Variants in RP1L1 observed in about 807,000 individuals in gnomAD.
RP1L1 encodes the protein RP1 like 1, also known as retinitis pigmentosa 1-like 1 protein.
Under a neutral mutation model 15.7 loss-of-function variants are expected in RP1L1, and 27 were observed. That is an observed-to-expected ratio of 1.72 (90% CI 1.27 to 2.38). The LOEUF is 2.38. RP1L1 is among the 30% of genes most tolerant of loss of function. RP1L1 has a pLI of 0.00. For missense variants in RP1L1, 4,798 were observed against 3,075.9 expected (o/e 1.56, Z -13.24); for synonymous variants, 1,813 against 1,276.7 (o/e 1.42, Z -8.96).
chr8:10,608,393 T>A lies in RP1L1; in HGVS notation c.5705A>T (p.Glu1902Val). The A allele has an allele frequency of 6.2e-7, 1 of 1,612,142 alleles. No homozygotes were observed. The highest frequency in any genetic ancestry group is 1.3e-5 in the African/African-American group (1 of 74,232). ...CTCCGGGGCTTCTGCACCTTCTGAC[T>A]CTGGCTGGACCTCCCATTCTGCCTC... ...TPEAEWEVQP[E>V]SEGAEAPEAE... is the part of the protein sequence containing the mutation. The change falls in exon 4 of 4, where the codon GAG (glutamate) becomes GTG (valine). Residue 1902 changes from glutamate (E) to valine (V), a missense_variant. Transcript: ENST00000382483.
At chr8:10,648,965 C>G (rs1798519741) in intron 1 of RP1L1, among the ~76,000 whole-genome samples, 1 of 152,218 alleles carries the variant, frequency 6.6e-6, no homozygotes, top group Non-Finnish European at 1.5e-5. Context: ...ATCCACTGCC[C>G]AGGCAGGAGG....
rs757419306 is a variant in RP1L1, at chr8:10,622,757, T to C, written c.445A>G (p.Lys149Glu). ...PGTSSSRKSL[K>E]TPRRILLIKN... ...ATCAGCAGTATCCTCCGGGGGGTTT[T>C]AAGACTCTTCCGGGAGGAGGAGGTG... The change falls in exon 2 of 4, where the codon AAA becomes GAA. Residue 149 changes from lysine (K) to glutamate (E), a missense_variant. Physicochemically the swap from Lys to Glu is moderately conservative, Grantham distance 56 (BLOSUM62 1). Coordinates refer to ENST00000382483, the MANE Select transcript of RP1L1 (RefSeq NM_178857.6). The C allele has an allele frequency of 2.5e-6, 4 of 1,614,088 alleles. No individual in the cohort carries two copies. The Admixed American group carries it at 6.7e-5, about 27-fold the overall frequency.
In RP1L1 at chr8:10,622,987, A is replaced by G. The variant is rs1056576122; in HGVS notation, c.215T>C (p.Val72Ala). The G allele has an allele frequency of 6.2e-7, 1 of 1,614,124 alleles. No homozygotes were observed. Among genetic ancestry groups the G allele is most frequent in the Non-Finnish European group, 8.5e-7 (1 of 1,180,024 alleles). The stretch of plus-strand genomic sequence containing the variant: ...AGAGCGCACCCCAAAGGAGAGAGGC[A>G]CGCGCTGGGAGAGCTCGTCCATGAG... ...SALMDELSQR[V>A]PLSFGVRSVT... is the part of the protein sequence containing the mutation. Residue 72 changes from valine (V) to alanine (A), a missense_variant, in exon 2 of 4, where the codon GTG becomes GCG. Coordinates refer to ENST00000382483, the MANE Select transcript of RP1L1 (RefSeq NM_178857.6).
intron 3 of RP1L1, 70 bp downstream of exon 3, chr8:10,616,376 C>T: frequency 6.2e-7 from 1 of 1,601,802 alleles, no homozygotes; most frequent in East Asian, 2.2e-5. Flanking sequence ...ACCTGGAAGG[C>T]TTTCCACTCA....
intron 1 of RP1L1, among the ~76,000 whole-genome samples, chr8:10,633,932 G>A (rs1215657867): frequency 1.3e-5 from 2 of 152,150 alleles, no homozygotes; most frequent in African/African-American, 4.8e-5. Context: ...GGGGAACCCA[G>A]GCTTCAGGAC....
At chr8:10,617,399 C>CA (rs369885056) in intron 2 of RP1L1, among the ~76,000 whole-genome samples, 2,203 of 82,950 alleles carry the variant, frequency 0.027, 32 homozygotes, top group African/African-American at 0.06. Context: ...TGCTCATTAA[C>CA]AAAAAAAAAA....
In RP1L1 at chr8:10,606,986, T is replaced by C. The variant is rs765137790; in HGVS notation, c.7112A>G (p.Asp2371Gly). Residue 2371 changes from aspartate (D) to glycine (G), a missense_variant, in exon 4 of 4, where the codon GAC (aspartate) becomes GGC (glycine). Asp to Gly is a moderately conservative substitution (Grantham distance 94, BLOSUM62 -1). Coordinates refer to ENST00000382483, the MANE Select transcript of RP1L1 (RefSeq NM_178857.6). Reference protein sequence around the residue: ...TPEQGASEGYDLQEDQALGSL... With the variant: ...TPEQGASEGYGLQEDQALGSL... Reference sequence around the variant, plus strand: ...TCCGAGTGCCTGGTCCTCTTGTAGGTCATAACCTTCACTGGCCCCCTGCTC... The same window carrying C: ...TCCGAGTGCCTGGTCCTCTTGTAGGCCATAACCTTCACTGGCCCCCTGCTC... 3 of 1,614,162 alleles carry C rather than the reference T, an allele frequency of 1.9e-6. No homozygotes were observed. The South Asian group carries it at 3.3e-5, about 18-fold the overall frequency.
intron 1 of RP1L1, among the ~76,000 whole-genome samples, chr8:10,633,866 T>C (rs1410434926): frequency 2.0e-5 from 3 of 152,212 alleles, no homozygotes; most frequent in African/African-American, 7.2e-5. Flanking sequence ...ATGAATTATA[T>C]CCCTTTTCAG....
Position 10,607,503 on chromosome 8 carries a change from G to C in RP1L1, c.6595C>G (p.Pro2199Ala), listed in dbSNP as rs1234106127. 1 of 1,607,008 alleles carries C rather than the reference G, an allele frequency of 6.2e-7. No individual in the cohort carries two copies. Among genetic ancestry groups the C allele is most frequent in the Middle Eastern group, 1.7e-4 (1 of 6,032 alleles). ...GGTTGGGCCTCCCCTTCTGCCTCTG[G>C]GGCCTCTATACCTTCTGACTCTGGC... ...AQPESEGIEA[P>A]EAEGEAQPEL... is the part of the protein sequence containing the mutation. Residue 2199 changes from proline (P) to alanine (A), a missense_variant, in exon 4 of 4, where the codon CCA becomes GCA. Physicochemically the swap from Pro to Ala is conservative, Grantham distance 27. Coordinates refer to ENST00000382483, the MANE Select transcript of RP1L1 (RefSeq NM_178857.6).
chr8:10,635,282 A>C (rs549015983), intron 1 of RP1L1, among the ~76,000 whole-genome samples: 2 of 145,308 alleles, frequency 1.4e-5, no homozygotes, highest in South Asian at 4.3e-4. Context: ...AGCAGCCCAT[A>C]ATTCTATCAC....
At position 10,607,918 on chromosome 8, in the gene RP1L1, T is replaced by G; in HGVS notation, c.6180A>C (p.Ala2060=). ...PESDGVEAPE[A]EEEAQEAEGE... ...CTTCAGCCTCCTGTGCCTCCTCTTCTGCCTCCGGGGCCTCTACACCGTCTG... is the reference window on the plus strand; with the variant it reads ...CTTCAGCCTCCTGTGCCTCCTCTTCGGCCTCCGGGGCCTCTACACCGTCTG... The change falls in exon 4 of 4, where the codon GCA becomes GCC. Residue 2060 remains alanine, a synonymous_variant. Transcript: ENST00000382483. 4.4e-6 allele frequency: 7 copies of G among 1,594,524 alleles called. No homozygotes were observed. The South Asian group carries it at 6.7e-5, about 15-fold the overall frequency.
chr8:10,611,127 C>A lies in RP1L1; in HGVS notation c.2971G>T (p.Glu991Ter). 1 of 1,612,916 alleles carries A rather than the reference C, an allele frequency of 6.2e-7. No individual in the cohort carries two copies. ...GAATGGTCATCCCCAGGGTCCACCTCGGGGCCTCTCAGGCCACCCCCAGCT... is the reference window on the plus strand; with the variant it reads ...GAATGGTCATCCCCAGGGTCCACCTAGGGGCCTCTCAGGCCACCCCCAGCT... ...GAAGGGLRGP[E>*]VDPGDDHSLE... The change falls in exon 4 of 4, where the codon GAG becomes TAG. Residue 991 changes from glutamate to a stop codon, truncating the protein, a stop_gained. Coordinates refer to ENST00000382483, the MANE Select transcript of RP1L1 (RefSeq NM_178857.6). LOFTEE classifies it low-confidence loss of function (END_TRUNC).
chr8:10,619,008 C>A (rs939573632), intron 2 of RP1L1, among the ~76,000 whole-genome samples: 3 of 152,144 alleles, frequency 2.0e-5, no homozygotes, highest in African/African-American at 7.2e-5. Flanking sequence ...GTAGCTGGGA[C>A]TACAGGCACG....
intron 3 of RP1L1, 88 bp downstream of exon 3, chr8:10,616,358 C>T: frequency 6.4e-7 from 1 of 1,572,212 alleles, no homozygotes; most frequent in African/African-American, 1.3e-5. Flanking sequence ...AGGGAAGTTT[C>T]CTGAATTACC....
intron 1 of RP1L1, among the ~76,000 whole-genome samples, chr8:10,632,351 G>A (rs953489269): frequency 3.9e-5 from 6 of 152,266 alleles, no homozygotes; most frequent in African/African-American, 1.2e-4. Context: ...AAATGGAGGC[G>A]GCATGTCTGA....
intron 1 of RP1L1, among the ~76,000 whole-genome samples, chr8:10,650,987 C>T (rs554977485): frequency 3.9e-5 from 6 of 152,356 alleles, no homozygotes; most frequent in Admixed American, 1.3e-4. Context: ...TAAAAGGGAA[C>T]ACTAAGCTGC....
chr8:10,615,066 C>A (rs938279446), intron 3 of RP1L1, among the ~76,000 whole-genome samples: 9 of 152,298 alleles, frequency 5.9e-5, no homozygotes, highest in African/African-American at 1.9e-4. Context: ...CAGTCCTGGC[C>A]CTCCACAGGG....
intron 1 of RP1L1, among the ~76,000 whole-genome samples, chr8:10,639,904 A>T (rs1798383364): frequency 6.6e-6 from 1 of 152,002 alleles, no homozygotes; most frequent in Non-Finnish European, 1.5e-5. Context: ...TTTTCAGGGG[A>T]TGGTGTTGGT....
rs202231496 is a variant in RP1L1, at chr8:10,609,986, C to G, written c.4112G>C (p.Gly1371Ala). The G allele has an allele frequency of 1.3e-4, 201 of 1,602,522 alleles. 1 individual carries two copies. In the African/African-American group the frequency reaches 2.1e-3, roughly 17 times the overall value. Residue 1371 changes from glycine to alanine, a missense_variant, in exon 4 of 4, where the codon GGG becomes GCG. Physicochemically the swap from Gly to Ala is moderately conservative, Grantham distance 60. Coordinates refer to ENST00000382483, the MANE Select transcript of RP1L1 (RefSeq NM_178857.6). ...TTCTTTAACTTCCTCTAACTGCACCCCCTCTTCTTGCAGCCCTTCTCCTCC... is the reference window on the plus strand; with the variant it reads ...TTCTTTAACTTCCTCTAACTGCACCGCCTCTTCTTGCAGCCCTTCTCCTCC... ...ETGGEGLQEEGVQLEEVKEGP... is the reference protein window; with the variant it reads ...ETGGEGLQEEAVQLEEVKEGP...
Sources: allele counts gnomAD v4.1 joint callset (sites outside exome capture counted in the v4.1 genomes callset), GRCh38; gene constraint gnomAD v4.1.1; transcripts MANE v1.5; gene names NCBI Gene and HGNC (gene_info 2026-07-23, HGNC 2026-07-21).